Variants in ZNF761 observed in about 807,000 individuals in gnomAD.
The protein encoded by ZNF761 is zinc finger protein 761.
A neutral mutation model predicts 59.9 loss-of-function variants in ZNF761; 43 were observed. The ratio of observed to expected loss-of-function variants is 0.72; its 90% CI spans 0.56 to 0.92. The LOEUF (loss-of-function observed/expected upper bound fraction) is 0.92. ZNF761 is among the 40% of genes least tolerant of loss of function. The pLI, the probability that ZNF761 is intolerant of heterozygous loss-of-function variation, is 0.00. For missense variants in ZNF761, 850 were observed against 906.1 expected, an observed-to-expected ratio of 0.94 and a Z score of 0.79; for synonymous variants, 294 against 304.8, an observed-to-expected ratio of 0.96 and a Z score of 0.37.
At chr19:53,434,849 G>A (rs1170984783) in intron 1 of ZNF761, among the ~76,000 whole-genome samples, 2 of 152,192 alleles carry the variant, frequency 1.3e-5, no homozygotes, top group Non-Finnish European at 2.9e-5. Context: ...AGCAATCAAT[G>A]TTTTCAGCTA....
chr19:53,456,996 A>C lies in ZNF761; in HGVS notation c.*248A>C, dbSNP rs914448656. ...ACTGGAGAGAAACCATAAAAATGTAAGAGTTTGTGACAAGGCTTTTGGGCA... is the reference window on the plus strand; with the variant it reads ...ACTGGAGAGAAACCATAAAAATGTACGAGTTTGTGACAAGGCTTTTGGGCA... On this transcript the variant is annotated 3_prime_UTR_variant, in exon 5 of 5. Transcript: ENST00000684525. 2.9e-6 allele frequency: 2 copies of C among 695,274 alleles called. No homozygotes were observed. Among genetic ancestry groups the C allele is most frequent in the Non-Finnish European group, 5.0e-6 (2 of 397,724 alleles). The allele number at this position is 695,274 out of a possible 1,614,324, so 43.1% of individuals were successfully genotyped here. A position where few individuals can be genotyped will look rare whatever the true frequency, so the allele number is the denominator to read the frequency against.
chr19:53,441,449 TTTTG>T (rs2086098537), intron 1 of ZNF761, among the ~76,000 whole-genome samples: 1 of 81,958 alleles, frequency 1.2e-5, no homozygotes, highest in Non-Finnish European at 3.0e-5. Context: ...TTTTTTTGTT[TTTTG>T]TTTTTTTTTT....
At chr19:53,443,136 T>C (rs1600088234) in intron 1 of ZNF761, 1 of 184,912 alleles carries the variant, frequency 5.4e-6, no homozygotes. Context: ...AGTTTGATTG[T>C]TTCAGTGTGT....
Position 53,447,703 on chromosome 19 carries a change from G to T in ZNF761, c.15+420G>T, listed in dbSNP as rs539180612. 1.1e-4 allele frequency among the ~76,000 whole-genome samples: 17 copies of T among 152,188 alleles called. No homozygotes were observed. In the South Asian group the frequency reaches 3.3e-3, roughly 30 times the overall value. On this transcript the variant is annotated intron_variant, in intron 3 of 4. Transcript: ENST00000684525. ...AATTCTAGAAAAGGTGACCAAGATCGAGAAATGTTTTCTGCCTGATTTTAT... is the reference window on the plus strand; with the variant it reads ...AATTCTAGAAAAGGTGACCAAGATCTAGAAATGTTTTCTGCCTGATTTTAT...
chr19:53,437,793 A>G (rs2147123135), intron 1 of ZNF761, among the ~76,000 whole-genome samples: 1 of 152,074 alleles, frequency 6.6e-6, no homozygotes, highest in Non-Finnish European at 1.5e-5. Context: ...ATATAGTTCC[A>G]TGTACATGCA....
At chr19:53,436,216 A>G (rs900676770) in intron 1 of ZNF761, among the ~76,000 whole-genome samples, 1 of 152,172 alleles carries the variant, frequency 6.6e-6, no homozygotes, top group Non-Finnish European at 1.5e-5. Flanking sequence ...ATTACAGTAC[A>G]GGGCCCATCC....
Position 53,449,510 on chromosome 19 carries a change from A to C in ZNF761, c.16-2A>C, listed in dbSNP as rs2086196314. Reference sequence around the variant, plus strand: ...TTTGGTTAAAATGTGTTTTCATTTCAGGGTCTATTGACATTCAGGGATGTG... The same window carrying C: ...TTTGGTTAAAATGTGTTTTCATTTCCGGGTCTATTGACATTCAGGGATGTG... On this transcript the variant is annotated splice_acceptor_variant, in intron 3 of 4. Coordinates refer to ENST00000684525, the MANE Select transcript of ZNF761 (RefSeq NM_001289951.2). LOFTEE classifies it high-confidence loss of function. 9 of 1,614,026 alleles carry C rather than the reference A, an allele frequency of 5.6e-6. No homozygotes were observed. Among genetic ancestry groups the C allele is most frequent in the Non-Finnish European group, 7.6e-6 (9 of 1,180,016 alleles).
At chr19:53,440,006 T>G (rs2086082079) in intron 1 of ZNF761, among the ~76,000 whole-genome samples, 1 of 152,128 alleles carries the variant, frequency 6.6e-6, no homozygotes, top group Non-Finnish European at 1.5e-5. Context: ...TCTTCTTGCA[T>G]ATGAGGTTGC....
chr19:53,434,109 T>G (rs2086008809), intron 1 of ZNF761, among the ~76,000 whole-genome samples: 1 of 152,144 alleles, frequency 6.6e-6, no homozygotes. Flanking sequence ...TAGTGATGAT[T>G]TCAAGTACTG....
At chr19:53,445,910 C>T (rs144593540) in intron 1 of ZNF761, among the ~76,000 whole-genome samples, 162 of 152,260 alleles carry the variant, frequency 1.1e-3, no homozygotes, top group Non-Finnish European at 1.8e-3. Context: ...GACCAGGGCC[C>T]CTGCCAGTGT....
In ZNF761 at chr19:53,455,654, AAATGT is replaced by A. The variant is rs2086261657; in HGVS notation, c.1152_1156del (p.Cys384Ter). On this transcript the variant is annotated frameshift_variant, in exon 5 of 5. Transcript: ENST00000684525. LOFTEE classifies it high-confidence loss of function. The stretch of plus-strand genomic sequence containing the variant: ...ACTTCATACTGGAGAGAAACCCTAC[AAATGT>A]AATGAGTGTGGCAAGACCTTTAGTC... 5.0e-6 allele frequency: 8 copies of A among 1,613,454 alleles called. No homozygotes were observed. Among genetic ancestry groups the A allele is most frequent in the Non-Finnish European group, 6.8e-6 (8 of 1,179,930 alleles).
At chr19:53,449,850 G>T in intron 4 of ZNF761, 1 of 1,205,714 alleles carries the variant, frequency 8.3e-7, no homozygotes, top group Non-Finnish European at 1.1e-6. Flanking sequence ...CCATGTTTGG[G>T]CAAATTTTTT....
chr19:53,451,760 T>C (rs1317011456), intron 4 of ZNF761, among the ~76,000 whole-genome samples: 1 of 151,092 alleles, frequency 6.6e-6, no homozygotes, highest in Admixed American at 6.6e-5. Context: ...TTTTTTTTTT[T>C]TTTTTTTTTT....
At chr19:53,441,172 C>T (rs1474740632) in intron 1 of ZNF761, among the ~76,000 whole-genome samples, 2 of 152,096 alleles carry the variant, frequency 1.3e-5, no homozygotes, top group East Asian at 3.9e-4. Context: ...GTCATAGCTA[C>T]TGGGGAGGCT....
At chr19:53,436,553 T>C (rs1388565331) in intron 1 of ZNF761, among the ~76,000 whole-genome samples, 3 of 152,244 alleles carry the variant, frequency 2.0e-5, no homozygotes, top group Admixed American at 2.0e-4. Flanking sequence ...GATGAGTTTC[T>C]TGGCAGTATT....
rs746531358 is a variant in ZNF761 at position 53,447,154 on chromosome 19, G to A, written c.-73-42G>A. 3.3e-5 allele frequency: 44 copies of A among 1,353,384 alleles called. No homozygotes were observed. The South Asian group carries it at 3.7e-4, about 11-fold the overall frequency. The allele number at this position is 1,353,384 out of a possible 1,614,324, so 83.8% of individuals were successfully genotyped here. On this transcript the variant is annotated intron_variant, in intron 2 of 4. Transcript: ENST00000684525. ...TGTGGTTGTGTTCCACGGAGGTGGCGTGTTGATTCTGAGCAATAAACAACA... is the reference window on the plus strand; with the variant it reads ...TGTGGTTGTGTTCCACGGAGGTGGCATGTTGATTCTGAGCAATAAACAACA...
chr19:53,443,190 T>C (rs2086118380), intron 1 of ZNF761: 1 of 160,956 alleles, frequency 6.2e-6, no homozygotes, highest in Non-Finnish European at 1.3e-5. Context: ...CATCAAAATG[T>C]AGTTTAACCA....
At chr19:53,438,158 A>T (rs1568801273) in intron 1 of ZNF761, among the ~76,000 whole-genome samples, 1 of 129,122 alleles carries the variant, frequency 7.7e-6, no homozygotes, top group Non-Finnish European at 1.7e-5. Context: ...TTAGTGTTCT[A>T]AAGTTGTGTA....
chr19:53,456,950 G>T lies in ZNF761; in HGVS notation c.*202G>T, dbSNP rs72483992. On this transcript the variant is annotated 3_prime_UTR_variant, in exon 5 of 5. Coordinates refer to ENST00000684525, the MANE Select transcript of ZNF761 (RefSeq NM_001289951.2). ...AAAGTTTACAGTCGCACATCAAACC[G>T]TGAAAGACAGGAGAATTCATACTGG... is the stretch of plus-strand genomic sequence containing the variant. 0.026 allele frequency: 19,119 copies of T among 733,456 alleles called. 682 individuals are homozygous for T. The highest frequency in any genetic ancestry group is 0.15 in the East Asian group (5,530 of 37,858). The allele number at this position is 733,456 out of a possible 1,614,324, so 45.4% of individuals were successfully genotyped here.
Sources: gnomAD v4.1 joint callset for allele counts (sites outside exome capture counted in the v4.1 genomes callset) on GRCh38, gnomAD v4.1.1 for gene constraint, MANE v1.5 for transcripts, NCBI Gene and HGNC (gene_info 2026-07-23, HGNC 2026-07-21) for gene names.